The following CTNNA3 variants were observed in gnomAD, a reference collection of about 807,000 sequenced individuals.
CTNNA3 encodes catenin alpha 3, also known as catenin alpha-3.
In CTNNA3, 76 loss-of-function variants were observed where a neutral mutation model predicts 95.7. The ratio of observed to expected loss-of-function variants is 0.79; its 90% confidence interval spans 0.66 to 0.96. The LOEUF (loss-of-function observed/expected upper bound fraction) is 0.96. Ranked by LOEUF, CTNNA3 falls within the 40% of genes least tolerant of loss-of-function variation. The pLI, the probability that CTNNA3 is intolerant of heterozygous loss-of-function variation, is 0.00. For synonymous variants in CTNNA3, 431 were observed against 374.4 expected, an observed-to-expected ratio of 1.15 and a Z score of -1.74; for missense variants, 1,191 against 1,089.8, an observed-to-expected ratio of 1.09 and a Z score of -1.31.
intron 12 of CTNNA3, among the ~76,000 whole-genome samples, chr10:66,326,670 T>A (rs1474137682): frequency 6.6e-6 from 1 of 152,082 alleles, no homozygotes; most frequent in Non-Finnish European, 1.5e-5. Flanking sequence ...AAATTCATAT[T>A]AATAGATGTA....
At chr10:66,933,904 T>C (rs1049604096) in intron 7 of CTNNA3, among the ~76,000 whole-genome samples, 5 of 152,158 alleles carry the variant, frequency 3.3e-5, no homozygotes, top group Admixed American at 2.0e-4. Context: ...CTGTTCCTCT[T>C]TGACAGCTGA....
rs1001855692 is a variant in CTNNA3, at chr10:67,691,099, G to A, written c.-6+4901C>T. On this transcript the variant is annotated intron_variant, in intron 1 of 17. Coordinates refer to ENST00000433211, the MANE Select transcript of CTNNA3 (RefSeq NM_013266.4). Reference sequence around the variant, plus strand: ...GGTGGAGACGGGGTTTCACTGTGTCGGCCGGGCTGGTCTCCAGCTCCCAAC... The same window carrying A: ...GGTGGAGACGGGGTTTCACTGTGTCAGCCGGGCTGGTCTCCAGCTCCCAAC... Among the ~76,000 whole-genome samples the A allele has an allele frequency of 1.4e-4, 22 of 152,172 alleles. 1 individual carries two copies. The highest frequency in any genetic ancestry group is 9.2e-4 in the Admixed American group (14 of 15,284).
intron 17 of CTNNA3, among the ~76,000 whole-genome samples, chr10:65,928,466 T>C (rs370307084): frequency 5.3e-5 from 8 of 152,334 alleles, no homozygotes; most frequent in East Asian, 3.9e-4. Context: ...TAACATTAGA[T>C]TCATCAGAAG....
At chr10:67,157,056 A>C (rs1861341989) in intron 7 of CTNNA3, among the ~76,000 whole-genome samples, 1 of 152,164 alleles carries the variant, frequency 6.6e-6, no homozygotes, top group South Asian at 2.1e-4. Context: ...CTCTTAGTAC[A>C]GTTTTTGACT....
intron 13 of CTNNA3, among the ~76,000 whole-genome samples, chr10:66,179,391 A>C (rs1488869652): frequency 1.3e-5 from 2 of 152,078 alleles, no homozygotes; most frequent in African/African-American, 4.8e-5. Flanking sequence ...GGAGGGAAGT[A>C]TATGTGGCTA....
intron 7 of CTNNA3, among the ~76,000 whole-genome samples, chr10:66,979,657 G>A (rs1458032332): frequency 6.6e-6 from 1 of 152,132 alleles, no homozygotes; most frequent in East Asian, 1.9e-4. Flanking sequence ...GAACATAGAT[G>A]TTTGTGGGGA....
At chr10:67,532,961 C>T (rs774346744) in intron 4 of CTNNA3, among the ~76,000 whole-genome samples, 4 of 152,136 alleles carry the variant, frequency 2.6e-5, no homozygotes, top group African/African-American at 4.8e-5. Context: ...TTTCTTCCCA[C>T]GATGTCCTGA....
At chr10:66,685,372 T>A in intron 9 of CTNNA3, among the ~76,000 whole-genome samples, 1 of 53,250 alleles carries the variant, frequency 1.9e-5, no homozygotes, top group African/African-American at 8.5e-5. Flanking sequence ...TTTTTTTTTT[T>A]TTTTTTTTTT....
chr10:66,749,225 AAAAG>A (rs2132721965), intron 9 of CTNNA3, among the ~76,000 whole-genome samples: 1 of 145,926 alleles, frequency 6.9e-6, no homozygotes, highest in African/African-American at 2.7e-5. Flanking sequence ...AAAAAAAAAA[AAAAG>A]AAAAGGAAAG....
intron 1 of CTNNA3, among the ~76,000 whole-genome samples, chr10:67,704,968 G>A (rs189732743): frequency 1.2e-4 from 19 of 152,224 alleles, no homozygotes; most frequent in Admixed American, 3.9e-4. Flanking sequence ...GTGGGCGAAC[G>A]ACATGAACAG....
In CTNNA3 at chr10:66,740,303, C is replaced by T. The variant is rs181461342; in HGVS notation, c.1281+25961G>A. Among the ~76,000 whole-genome samples, 412 of 152,194 alleles carry T rather than the reference C, an allele frequency of 2.7e-3. 2 individuals carry two copies. Among genetic ancestry groups the T allele is most frequent in the African/African-American group, 9.2e-3 (381 of 41,526 alleles). ...TATTGTAAGAACAGTTTCTGAATGA[C>T]GATGCAAAATATAATAAACACAGAA... On this transcript the variant is annotated intron_variant, in intron 9 of 17. Transcript: ENST00000433211.
rs1050063792 is a variant in CTNNA3, at chr10:67,214,880, G to A, written c.843+4727C>T. Among the ~76,000 whole-genome samples the A allele has an allele frequency of 6.6e-5, 10 of 151,646 alleles. No individual in the cohort carries two copies. The South Asian group carries it at 1.0e-3, about 16-fold the overall frequency. On this transcript the variant is annotated intron_variant, in intron 6 of 17. Coordinates refer to ENST00000433211, the MANE Select transcript of CTNNA3 (RefSeq NM_013266.4). Reference sequence around the variant, plus strand: ...TAAAAATATTCTTTTGGTCTTTGGCGTTCTTCAGTTTCACTATGATACGTG... The same window carrying A: ...TAAAAATATTCTTTTGGTCTTTGGCATTCTTCAGTTTCACTATGATACGTG...
chr10:67,168,819 T>C (rs1861893007), intron 7 of CTNNA3, among the ~76,000 whole-genome samples: 1 of 152,110 alleles, frequency 6.6e-6, no homozygotes, highest in African/African-American at 2.4e-5. Flanking sequence ...GGCATCCAAA[T>C]AGGAAGAGAG....
intron 5 of CTNNA3, among the ~76,000 whole-genome samples, chr10:67,489,116 C>A (rs1405703608): frequency 6.6e-6 from 1 of 152,114 alleles, no homozygotes; most frequent in South Asian, 2.1e-4. Flanking sequence ...AGGTAAAAAA[C>A]CAAACTAAAT....
chr10:66,175,184 A>T (rs73312182), intron 13 of CTNNA3, among the ~76,000 whole-genome samples: 7,195 of 152,112 alleles, frequency 0.047, 213 homozygotes, highest in African/African-American at 0.066. Flanking sequence ...ACATGCACAC[A>T]CACACACACT....
intron 7 of CTNNA3, among the ~76,000 whole-genome samples, chr10:66,890,104 T>A (rs1845208901): frequency 6.6e-6 from 1 of 152,154 alleles, no homozygotes; most frequent in South Asian, 2.1e-4. Context: ...ACCACAGATT[T>A]AAGTGATAAT....
intron 1 of CTNNA3, among the ~76,000 whole-genome samples, chr10:67,726,660 T>A (rs1349282097): frequency 3.4e-3 from 1 of 292 alleles, no homozygotes; most frequent in South Asian, 0.12. Context: ...TAATATATTA[T>A]ATATTATATT....
chr10:67,133,822 A>T (rs918165328), intron 7 of CTNNA3, among the ~76,000 whole-genome samples: 2 of 152,060 alleles, frequency 1.3e-5, no homozygotes, highest in African/African-American at 4.8e-5. Context: ...TGTGCTTGGC[A>T]TTTTACATAT....
At chr10:66,563,861 T>C (rs1388827571) in intron 10 of CTNNA3, among the ~76,000 whole-genome samples, 2 of 152,074 alleles carry the variant, frequency 1.3e-5, no homozygotes, top group African/African-American at 4.8e-5. Flanking sequence ...AATCAGAAAC[T>C]CAAAAGAATG....
Sources: allele counts gnomAD v4.1 joint callset (sites outside exome capture counted in the v4.1 genomes callset), GRCh38; gene constraint gnomAD v4.1.1; transcripts MANE v1.5; gene names NCBI Gene and HGNC (gene_info 2026-07-23, HGNC 2026-07-21).